The following PRELID2 variants were observed in gnomAD, a reference collection of about 807,000 sequenced individuals.
PRELID2 encodes the protein PRELI domain-containing protein 2.
A neutral mutation model predicts 28.4 loss-of-function variants in PRELID2; 25 were observed. The observed-to-expected ratio is 0.88, with a 90% CI of 0.64 to 1.23. The LOEUF (loss-of-function observed/expected upper bound fraction) is 1.23. PRELID2 is among the 50% of genes most tolerant of loss of function. The pLI, the probability that PRELID2 is intolerant of heterozygous loss-of-function variation, is 0.00. For missense variants in PRELID2, 201 were observed against 214.4 expected (o/e 0.94, Z 0.39); for synonymous variants, 76 against 71.6 (o/e 1.06, Z -0.31).
At chr5:145,319,540 G>A in the PRELID2 span, among the ~76,000 whole-genome samples, 3 of 151,854 alleles carry the variant, frequency 2.0e-5, no homozygotes, top group African/African-American at 7.3e-5. Flanking sequence ...GTGTGGTGAT[G>A]GGCGCCTGTA....
intron 1 of PRELID2, among the ~76,000 whole-genome samples, chr5:145,713,794 T>G (rs945124426): frequency 6.7e-6 from 1 of 148,940 alleles, no homozygotes; most frequent in African/African-American, 2.5e-5. Flanking sequence ...ATTTTAAATG[T>G]AATTACATTT....
chr5:145,543,223 G>A (rs1216548034), intron 1 of PRELID2, among the ~76,000 whole-genome samples: 1 of 152,056 alleles, frequency 6.6e-6, no homozygotes, highest in Non-Finnish European at 1.5e-5. Context: ...TCTCCATGAG[G>A]ACAAGTCAAT....
At chr5:145,380,309 C>T in the PRELID2 span, among the ~76,000 whole-genome samples, 9 of 152,206 alleles carry the variant, frequency 5.9e-5, no homozygotes, top group African/African-American at 2.2e-4. Context: ...GCTTTCTCCC[C>T]CTTCAGCCCA....
intron 1 of PRELID2, among the ~76,000 whole-genome samples, chr5:145,560,802 C>T (rs1026957155): frequency 2.0e-5 from 3 of 152,144 alleles, no homozygotes; most frequent in African/African-American, 7.2e-5. Context: ...TACCAAAATG[C>T]CTCTCTTCTT....
chr5:145,651,409 G>C (rs891599879), intron 1 of PRELID2, among the ~76,000 whole-genome samples: 4 of 152,156 alleles, frequency 2.6e-5, no homozygotes, highest in Non-Finnish European at 4.4e-5. Flanking sequence ...GAATAGAGTA[G>C]TGGTTCTCCC....
intron 1 of PRELID2, among the ~76,000 whole-genome samples, chr5:145,635,121 T>C (rs1245492487): frequency 6.6e-6 from 1 of 152,240 alleles, no homozygotes; most frequent in Admixed American, 6.5e-5. Flanking sequence ...ATTTGATCTC[T>C]GCATCCCTCT....
Position 145,823,810 on chromosome 5 carries a change from G to T in PRELID2, c.76-676C>A, listed in dbSNP as rs577214043. Among the ~76,000 whole-genome samples, 147 of 152,242 alleles carry T rather than the reference G, an allele frequency of 9.7e-4. 3 individuals are homozygous for T. The highest frequency in any genetic ancestry group is 8.3e-3 in the South Asian group (40 of 4,810). On this transcript the variant is annotated intron_variant, in intron 1 of 6. Coordinates refer to ENST00000683046, the MANE Select transcript of PRELID2 (RefSeq NM_205846.3). Reference sequence around the variant, plus strand: ...TGAAAAGCAATTTGGCTGTGACAAGGTTGATAATAGCCACTGCTTTTGTCG... The same window carrying T: ...TGAAAAGCAATTTGGCTGTGACAAGTTTGATAATAGCCACTGCTTTTGTCG...
At chr5:145,361,534 T>G in the PRELID2 span, among the ~76,000 whole-genome samples, 1 of 152,166 alleles carries the variant, frequency 6.6e-6, no homozygotes, top group South Asian at 2.1e-4. Context: ...TATTCAGCAT[T>G]TCTTAAGAGA....
At chr5:145,531,538 AC>A (rs1029645823) in intron 1 of PRELID2, among the ~76,000 whole-genome samples, 1 of 152,150 alleles carries the variant, frequency 6.6e-6, no homozygotes. Flanking sequence ...AGTATGATTC[AC>A]CTCACAGGAC....
At chr5:145,687,553 A>G (rs1273278394) in intron 1 of PRELID2, among the ~76,000 whole-genome samples, 1 of 152,256 alleles carries the variant, frequency 6.6e-6, no homozygotes, top group Non-Finnish European at 1.5e-5. Flanking sequence ...TATAAAGGAC[A>G]TGATTAAATC....
At chr5:145,780,954 G>C (rs1751542441) in intron 5 of PRELID2, among the ~76,000 whole-genome samples, 1 of 152,178 alleles carries the variant, frequency 6.6e-6, no homozygotes, top group Admixed American at 6.5e-5. Flanking sequence ...ATCTCAGACA[G>C]CAAATGGAAT....
chr5:145,388,850 T>C, the PRELID2 span, among the ~76,000 whole-genome samples: 8 of 152,176 alleles, frequency 5.3e-5, no homozygotes, highest in African/African-American at 1.9e-4. Flanking sequence ...TTCTCCATCA[T>C]GATTTTTCCG....
At chr5:145,742,228 A>G (rs1236659727) in intron 1 of PRELID2, among the ~76,000 whole-genome samples, 1 of 140,726 alleles carries the variant, frequency 7.1e-6, no homozygotes, top group Non-Finnish European at 1.5e-5. Context: ...ATTTATATAT[A>G]AATAAAATAT....
At chr5:145,314,303 T>C in the PRELID2 span, among the ~76,000 whole-genome samples, 2 of 152,344 alleles carry the variant, frequency 1.3e-5, no homozygotes, top group East Asian at 1.9e-4. Context: ...TTTCACTTTA[T>C]GTGTGTGTTA....
the PRELID2 span, among the ~76,000 whole-genome samples, chr5:145,409,461 T>A: frequency 1.3e-5 from 2 of 152,164 alleles, no homozygotes; most frequent in Non-Finnish European, 2.9e-5. Context: ...ACCAAGTATC[T>A]GCTGTCATCA....
chr5:145,788,585 A>G (rs1752156316), intron 5 of PRELID2, among the ~76,000 whole-genome samples: 1 of 152,202 alleles, frequency 6.6e-6, no homozygotes, highest in African/African-American at 2.4e-5. Context: ...TGTCATGCAC[A>G]CAGATAGACA....
chr5:145,689,071 G>T (rs1755093318), intron 1 of PRELID2, among the ~76,000 whole-genome samples: 1 of 152,174 alleles, frequency 6.6e-6, no homozygotes, highest in Non-Finnish European at 1.5e-5. Context: ...TCAATGGCTG[G>T]GAAAACAAAG....
the PRELID2 span, among the ~76,000 whole-genome samples, chr5:145,266,928 T>C: frequency 1.2e-4 from 18 of 152,022 alleles, no homozygotes; most frequent in Non-Finnish European, 1.2e-4. Context: ...AGTAACTCGG[T>C]AATGGAAAAC....
At chr5:145,571,772 G>A (rs111974988) in intron 1 of PRELID2, among the ~76,000 whole-genome samples, 45 of 152,210 alleles carry the variant, frequency 3.0e-4, no homozygotes, top group African/African-American at 1.1e-3. Flanking sequence ...ACAAGATCAG[G>A]AGATCGAGAC....
Sources: allele counts gnomAD v4.1 joint callset (sites outside exome capture counted in the v4.1 genomes callset), GRCh38; gene constraint gnomAD v4.1.1; transcripts MANE v1.5; gene names NCBI Gene and HGNC (gene_info 2026-07-23, HGNC 2026-07-21).